Variants in ZNF469 observed in about 807,000 individuals in gnomAD.
ZNF469 encodes zinc finger protein 469.
ZNF469 carries 1 observed loss-of-function variant against 1.0 expected under a neutral mutation model. The ratio of observed to expected loss-of-function variants is 1.00; its 90% CI spans 0.35 to 4.73. The LOEUF is 4.73. ZNF469 is among the 30% of genes most tolerant of loss of function. ZNF469 has a pLI of 0.16. For missense variants in ZNF469, 6,100 were observed against 5,356.3 expected (o/e 1.14, Z -4.33); for synonymous variants, 2,703 against 2,363.4 (o/e 1.14, Z -4.17).
the ZNF469 span, among the ~76,000 whole-genome samples, chr16:88,359,614 A>G: frequency 1.3e-5 from 2 of 152,254 alleles, no homozygotes; most frequent in African/African-American, 2.4e-5. Context: ...CACTTATCTA[A>G]GATCATCTCT....
chr16:88,343,725 T>C, the ZNF469 span, among the ~76,000 whole-genome samples: 3 of 152,194 alleles, frequency 2.0e-5, no homozygotes, highest in Admixed American at 1.3e-4. Flanking sequence ...GTCCCACTCC[T>C]GTAATAACCC....
the ZNF469 span, among the ~76,000 whole-genome samples, chr16:88,181,064 G>A: frequency 2.1e-3 from 305 of 145,910 alleles, 3 homozygotes; most frequent in African/African-American, 7.6e-3. Context: ...AATATTAGCA[G>A]AATACACACT....
chr16:88,237,568 C>T, the ZNF469 span, among the ~76,000 whole-genome samples: 6 of 91,642 alleles, frequency 6.5e-5, no homozygotes, highest in Admixed American at 1.1e-4. Flanking sequence ...CCTCCCTGCC[C>T]TCCGTGCTCC....
At position 88,436,838 on chromosome 16, in the gene ZNF469, G is replaced by A. The variant is rs536601676; in HGVS notation, c.9368G>A (p.Arg3123His). ...ASYKCKVCFQRFRSLGELDLH... is the reference protein window; with the variant it reads ...ASYKCKVCFQHFRSLGELDLH... ...TACAAGTGCAAAGTGTGCTTCCAGC[G>A]CTTCCGCAGCCTGGGCGAGCTGGAC... Residue 3123 changes from arginine to histidine, a missense_variant, in exon 3 of 3, where the codon CGC (arginine) becomes CAC (histidine). By Grantham distance (29) the Arg-to-His change is conservative. Transcript: ENST00000565624. The A allele has an allele frequency of 6.8e-4, 1,041 of 1,533,972 alleles. 9 individuals carry two copies. Among genetic ancestry groups the A allele is most frequent in the Middle Eastern group, 1.7e-4 (1 of 5,936 alleles).
chr16:88,169,666 T>C, the ZNF469 span, among the ~76,000 whole-genome samples: 2 of 152,230 alleles, frequency 1.3e-5, no homozygotes, highest in African/African-American at 4.8e-5. This position sits in a 1 kb window ranked among gnomAD's most constrained non-coding sequence, Gnocchi z 6.1. Flanking sequence ...GCTGTGAGCC[T>C]TTGCGCCCAG....
the ZNF469 span, among the ~76,000 whole-genome samples, chr16:88,224,262 C>T: frequency 6.6e-6 from 1 of 152,186 alleles, no homozygotes; most frequent in South Asian, 2.1e-4. Flanking sequence ...CGTGCCCGGG[C>T]CTGTCCCTCC....
the ZNF469 span, among the ~76,000 whole-genome samples, chr16:88,132,647 T>C: frequency 6.6e-6 from 1 of 152,230 alleles, no homozygotes; most frequent in African/African-American, 2.4e-5. Context: ...GTGCTCTCGG[T>C]GGTGACAAAC....
At chr16:88,356,957 G>A in the ZNF469 span, among the ~76,000 whole-genome samples, 3 of 152,262 alleles carry the variant, frequency 2.0e-5, no homozygotes, top group Non-Finnish European at 4.4e-5. Context: ...TTGCCCTGCT[G>A]TGACACGGAG....
At chr16:88,311,282 CCTCA>C in the ZNF469 span, among the ~76,000 whole-genome samples, 1 of 152,168 alleles carries the variant, frequency 6.6e-6, no homozygotes, top group Non-Finnish European at 1.5e-5. Context: ...CTGGCTGAGG[CCTCA>C]CTCTTTTTAA....
chr16:88,393,658 T>A (rs1000566415), intron 1 of ZNF469, among the ~76,000 whole-genome samples: 2 of 152,160 alleles, frequency 1.3e-5, no homozygotes, highest in Admixed American at 1.3e-4. Flanking sequence ...TGGGTTTTGT[T>A]AAGGTATTTC....
At chr16:88,253,102 A>T in the ZNF469 span, among the ~76,000 whole-genome samples, 7 of 152,110 alleles carry the variant, frequency 4.6e-5, no homozygotes, top group African/African-American at 1.7e-4. Flanking sequence ...CAGGTCACTT[A>T]CTTGTTAACA....
At chr16:88,132,285 G>GAT in the ZNF469 span, among the ~76,000 whole-genome samples, 1 of 152,236 alleles carries the variant, frequency 6.6e-6, no homozygotes, top group African/African-American at 2.4e-5. Flanking sequence ...CGGTGCTCGG[G>GAT]GACGGACGCT....
the ZNF469 span, among the ~76,000 whole-genome samples, chr16:88,335,412 C>G: frequency 1.3e-5 from 2 of 152,262 alleles, no homozygotes; most frequent in Non-Finnish European, 2.9e-5. Context: ...TGGTCAAAAA[C>G]TTCCAGGGCG....
At chr16:88,378,178 C>G (rs116657634), upstream of ZNF469, among the ~76,000 whole-genome samples, 652 of 152,246 alleles carry the variant, frequency 4.3e-3, 2 homozygotes, top group African/African-American at 0.015. Flanking sequence ...ATGATGTCAT[C>G]TCCCAGATGA....
At chr16:88,145,039 A>G in the ZNF469 span, among the ~76,000 whole-genome samples, 2 of 151,746 alleles carry the variant, frequency 1.3e-5, no homozygotes, top group Non-Finnish European at 2.9e-5. Context: ...TAGTAGAGAC[A>G]GGGTTTCACC....
chr16:88,231,359 C>T, the ZNF469 span, among the ~76,000 whole-genome samples: 3 of 152,226 alleles, frequency 2.0e-5, no homozygotes, highest in Non-Finnish European at 4.4e-5. The surrounding 1 kb of genome is among the most constrained non-coding windows in gnomAD (Gnocchi z 4.5). Context: ...CCCCATCGCC[C>T]TAAGCCTGAA....
intron 1 of ZNF469, among the ~76,000 whole-genome samples, chr16:88,387,575 T>A (rs934640024): frequency 2.0e-5 from 3 of 152,158 alleles, no homozygotes; most frequent in African/African-American, 7.2e-5. Context: ...GACTTCCTGC[T>A]CAGTACTCAC....
At chr16:88,207,865 C>T in the ZNF469 span, among the ~76,000 whole-genome samples, 1 of 151,958 alleles carries the variant, frequency 6.6e-6, no homozygotes, top group African/African-American at 2.4e-5. Flanking sequence ...CATCTCGATC[C>T]CATCTGCAAA....
chr16:88,246,324 G>A, the ZNF469 span, among the ~76,000 whole-genome samples: 5 of 152,318 alleles, frequency 3.3e-5, no homozygotes, highest in African/African-American at 7.2e-5. Context: ...CCATCTTCAG[G>A]AAACTTTACC....
Sources: allele counts gnomAD v4.1 joint callset (sites outside exome capture counted in the v4.1 genomes callset), GRCh38; gene constraint gnomAD v4.1.1; non-coding constraint Gnocchi (gnomAD v3.1); transcripts MANE v1.5; gene names NCBI Gene and HGNC (gene_info 2026-07-23, HGNC 2026-07-21).